Variants in PROM1 observed in about 807,000 individuals in gnomAD.
PROM1 encodes the protein prominin-1.
In PROM1, 105 loss-of-function variants were observed where a neutral mutation model predicts 116.9. The ratio of observed to expected loss-of-function variants is 0.90; its 90% CI spans 0.77 to 1.06. The LOEUF (loss-of-function observed/expected upper bound fraction) is 1.06, where lower values mean the gene tolerates loss of function less well. Among genes scored for constraint, PROM1 ranks in the 50% least tolerant of loss-of-function variants. The probability of loss-of-function intolerance (pLI) is 0.00; values close to 1 mark genes in which losing one functional copy is unlikely to be tolerated. For missense variants in PROM1, 1,122 were observed against 1,045.2 expected (o/e 1.07, Z -1.01); for synonymous variants, 393 against 387.0 (o/e 1.02, Z -0.18).
chr4:16,025,094 T>C, intron 6 of PROM1, 98 bp downstream of exon 6: 1 of 1,387,870 alleles, frequency 7.2e-7, no homozygotes, highest in South Asian at 1.3e-5. Flanking sequence ...TGATTCACTG[T>C]GTTTCTAGAA....
chr4:16,045,328 TCAGCCAAATA>T (rs1281481806), intron 2 of PROM1, among the ~76,000 whole-genome samples: 1 of 152,112 alleles, frequency 6.6e-6, no homozygotes, highest in Non-Finnish European at 1.5e-5. Context: ...TATTCTTCTC[TCAGCCAAATA>T]CAGAGGATCC....
intron 2 of PROM1, among the ~76,000 whole-genome samples, chr4:16,064,448 C>T (rs571785681): frequency 6.6e-6 from 1 of 152,230 alleles, no homozygotes; most frequent in East Asian, 1.9e-4. Context: ...TGGGAGGAGG[C>T]AGGAGACAGT....
intron 26 of PROM1, among the ~76,000 whole-genome samples, chr4:15,975,259 G>A (rs1038784166): frequency 3.7e-4 from 56 of 152,192 alleles, no homozygotes; most frequent in Non-Finnish European, 6.6e-4. Flanking sequence ...TCACTCTGTC[G>A]TCCTGGATGG....
At chr4:15,997,325 T>C (rs1171544401) in intron 15 of PROM1, among the ~76,000 whole-genome samples, 1 of 149,390 alleles carries the variant, frequency 6.7e-6, no homozygotes, top group East Asian at 2.0e-4. Flanking sequence ...TATATATATA[T>C]ATATGAAATG....
intron 1 of PROM1, chr4:16,078,148 C>T (rs1419836092): frequency 1.3e-5 from 2 of 152,370 alleles, no homozygotes; most frequent in Non-Finnish European, 2.9e-5. Flanking sequence ...GCAGCTGTGG[C>T]TCCAGCATCT....
At chr4:16,083,864 G>A (rs978162562) in intron 1 of PROM1, 114 bp downstream of exon 1, 7 of 152,222 alleles carry the variant, frequency 4.6e-5, no homozygotes, top group African/African-American at 1.7e-4. Flanking sequence ...GACGTGGCGG[G>A]AGGCAGGAGA....
chr4:16,000,779 A>G (rs1430657543), intron 13 of PROM1, among the ~76,000 whole-genome samples, 160 bp from the exon 14 acceptor site: 1 of 151,842 alleles, frequency 6.6e-6, no homozygotes, highest in Non-Finnish European at 1.5e-5. Flanking sequence ...GGGCTTGGGG[A>G]CCTGGAGAGG....
intron 2 of PROM1, among the ~76,000 whole-genome samples, chr4:16,047,466 A>G (rs1315170513): frequency 1.3e-5 from 2 of 152,056 alleles, no homozygotes; most frequent in Non-Finnish European, 2.9e-5. Flanking sequence ...CAGCCTCCCA[A>G]AGTGCTGGAA....
intron 13 of PROM1, among the ~76,000 whole-genome samples, chr4:16,005,294 C>T (rs982192342): frequency 4.6e-5 from 7 of 152,124 alleles, no homozygotes; most frequent in Non-Finnish European, 2.9e-5. Flanking sequence ...GGCCTGTGAG[C>T]ATCTAAGCTT....
At chr4:16,002,022 T>C (rs928173400) in intron 13 of PROM1, among the ~76,000 whole-genome samples, 6 of 152,118 alleles carry the variant, frequency 3.9e-5, no homozygotes, top group African/African-American at 9.7e-5. Flanking sequence ...CTTCTGGCAC[T>C]GCAGAGAAGG....
In PROM1 at chr4:15,989,847, A is replaced by G. The variant is rs777181097; in HGVS notation, c.1984-23T>C. On this transcript the variant is annotated intron_variant, in intron 18 of 27. Coordinates refer to ENST00000447510, the MANE Select transcript of PROM1 (RefSeq NM_006017.3). ...GGGCTACAAAAAGAATAAAAAACAA[A>G]GATCAATACCATCTTTCCAGACTCA... 3.2e-6 allele frequency: 5 copies of G among 1,541,824 alleles called. No individual in the cohort carries two copies. The African/African-American group carries it at 6.8e-5, about 21-fold the overall frequency.
At chr4:16,050,454 G>T (rs1327908300) in intron 2 of PROM1, among the ~76,000 whole-genome samples, 1 of 152,114 alleles carries the variant, frequency 6.6e-6, no homozygotes, top group East Asian at 1.9e-4. Flanking sequence ...CCTGGACTCA[G>T]GTGACTCTCC....
At chr4:16,003,573 TTAGA>T (rs1560456762) in intron 13 of PROM1, among the ~76,000 whole-genome samples, 1 of 152,172 alleles carries the variant, frequency 6.6e-6, no homozygotes, top group Non-Finnish European at 1.5e-5. Context: ...TGTGCCTCTG[TTAGA>T]TCTCCTTATC....
chr4:16,081,044 CAT>C (rs896780579), intron 1 of PROM1, among the ~76,000 whole-genome samples: 162 of 150,182 alleles, frequency 1.1e-3, no homozygotes, highest in African/African-American at 3.8e-3. Flanking sequence ...TATACATATA[CAT>C]ATATATATGT....
At chr4:16,019,420 G>A (rs781258589) in intron 8 of PROM1, among the ~76,000 whole-genome samples, 7 of 152,218 alleles carry the variant, frequency 4.6e-5, no homozygotes, top group Admixed American at 3.3e-4. Context: ...AATCAAGAGG[G>A]CAAACAACGC....
At chr4:15,986,113 A>G in intron 20 of PROM1, 76 bp from the exon 21 acceptor site, 1 of 1,089,954 alleles carries the variant, frequency 9.2e-7, no homozygotes, top group Non-Finnish European at 1.4e-6. Context: ...TATTGATTCA[A>G]GTACTGTAAC....
At chr4:15,985,485 A>G (rs1719117088) in intron 22 of PROM1, 13 of 417,518 alleles carry the variant, frequency 3.1e-5, no homozygotes, top group Non-Finnish European at 5.5e-5. Flanking sequence ...TTTTAGTTCA[A>G]ATTTGTTACC....
At chr4:16,039,871 G>A (rs2149413301) in intron 2 of PROM1, among the ~76,000 whole-genome samples, 1 of 151,970 alleles carries the variant, frequency 6.6e-6, no homozygotes, top group East Asian at 1.9e-4. Flanking sequence ...ATAGGCCTGG[G>A]ACCAAAAAAG....
chr4:16,030,270 T>C (rs1217952269), intron 5 of PROM1, among the ~76,000 whole-genome samples: 1 of 151,376 alleles, frequency 6.6e-6, no homozygotes, highest in Non-Finnish European at 1.5e-5. Flanking sequence ...ATTCACACAC[T>C]ACTCTTATTT....
Sources: gnomAD v4.1 joint callset for allele counts (sites outside exome capture counted in the v4.1 genomes callset) on GRCh38, gnomAD v4.1.1 for gene constraint, MANE v1.5 for transcripts, NCBI Gene and HGNC (gene_info 2026-07-23, HGNC 2026-07-21) for gene names.